MAP3K21: variants seen among roughly 807,000 people sequenced by gnomAD.
MAP3K21 encodes mitogen-activated protein kinase kinase kinase MLK4.
In MAP3K21, 63 loss-of-function variants were observed where a neutral mutation model predicts 86.1. The ratio of observed to expected loss-of-function variants is 0.73; its 90% confidence interval spans 0.60 to 0.90. The LOEUF (loss-of-function observed/expected upper bound fraction) is 0.90, where lower values mean the gene tolerates loss of function less well. Among genes scored for constraint, MAP3K21 ranks in the 40% least tolerant of loss-of-function variants. MAP3K21 has a pLI of 0.00. For missense variants in MAP3K21, 1,220 were observed against 1,367.7 expected, an observed-to-expected ratio of 0.89 and a Z score of 1.70; for synonymous variants, 558 against 564.8, an observed-to-expected ratio of 0.99 and a Z score of 0.17.
At chr1:233,339,700 T>A (rs1218299712) in intron 1 of MAP3K21, among the ~76,000 whole-genome samples, 2 of 151,902 alleles carry the variant, frequency 1.3e-5, no homozygotes, top group Non-Finnish European at 2.9e-5. Flanking sequence ...CCCAGATTGG[T>A]CTTGAACTCC....
At position 233,382,434 on chromosome 1, in the gene MAP3K21, G is replaced by A. The variant is rs747180331; in HGVS notation, c.2834G>A (p.Arg945His). 1.0e-4 allele frequency: 161 copies of A among 1,613,956 alleles called. No homozygotes were observed. Among genetic ancestry groups the A allele is most frequent in the East Asian group, 2.5e-4 (11 of 44,890 alleles). ...KHSTVHIVPQRRPASLRSRSD... is the reference protein window; with the variant it reads ...KHSTVHIVPQHRPASLRSRSD... Reference sequence around the variant, plus strand: ...AGCACTGTCCACATCGTGCCTCAGCGTCGCCCTGCCTCCCTGAGAAGCCGC... The same window carrying A: ...AGCACTGTCCACATCGTGCCTCAGCATCGCCCTGCCTCCCTGAGAAGCCGC... The change falls in exon 10 of 10, where the codon CGT (arginine) becomes CAT (histidine). Residue 945 changes from arginine to histidine, a missense_variant. Arg to His is a conservative substitution (Grantham distance 29). Transcript: ENST00000366624.
intron 6 of MAP3K21, among the ~76,000 whole-genome samples, chr1:233,375,098 T>C (rs778377309): frequency 5.9e-5 from 9 of 151,946 alleles, no homozygotes; most frequent in East Asian, 1.9e-4. Context: ...CCCGCCACCA[T>C]GCCCAGTTAA....
chr1:233,342,787 C>T (rs1318027923), intron 1 of MAP3K21, among the ~76,000 whole-genome samples: 1 of 151,960 alleles, frequency 6.6e-6, no homozygotes, highest in East Asian at 1.9e-4. Context: ...TTTCCTTCCT[C>T]CCTGCCTCTC....
chr1:233,356,321 T>C (rs1663356627), intron 4 of MAP3K21, among the ~76,000 whole-genome samples: 1 of 152,218 alleles, frequency 6.6e-6, no homozygotes, highest in Admixed American at 6.5e-5. Flanking sequence ...TTTACATTCT[T>C]CTTCATTTGC....
intron 4 of MAP3K21, among the ~76,000 whole-genome samples, chr1:233,356,363 T>C (rs1336220384): frequency 6.6e-6 from 1 of 152,218 alleles, no homozygotes; most frequent in Non-Finnish European, 1.5e-5. Context: ...ACTCAGCACA[T>C]GGCAGGCATT....
intron 5 of MAP3K21, among the ~76,000 whole-genome samples, chr1:233,370,103 G>A (rs1013725088): frequency 3.3e-5 from 5 of 152,204 alleles, no homozygotes; most frequent in African/African-American, 9.6e-5. Flanking sequence ...TGGACACAAG[G>A]CATTGTAGCA....
At chr1:233,366,668 T>C (rs7548899) in intron 5 of MAP3K21, among the ~76,000 whole-genome samples, 58,026 of 152,062 alleles carry the variant, frequency 0.38, 11,353 homozygotes, top group East Asian at 0.51. Flanking sequence ...CCGAAACATA[T>C]TCTAGAGTCC....
intron 5 of MAP3K21, among the ~76,000 whole-genome samples, chr1:233,364,800 A>T (rs1278707558): frequency 2.0e-5 from 3 of 152,222 alleles, no homozygotes; most frequent in Non-Finnish European, 4.4e-5. Context: ...AAACATAACC[A>T]AGAAATCTAC....
At chr1:233,338,962 G>T (rs1196931651) in intron 1 of MAP3K21, among the ~76,000 whole-genome samples, 1 of 152,182 alleles carries the variant, frequency 6.6e-6, no homozygotes, top group African/African-American at 2.4e-5. Flanking sequence ...GGGAGTGAGT[G>T]TAAATAAGAA....
At chr1:233,361,951 CAGG>C (rs1470016582) in intron 4 of MAP3K21, 99 bp from the exon 5 acceptor site, 54 of 1,391,050 alleles carry the variant, frequency 3.9e-5, no homozygotes, top group Non-Finnish European at 4.9e-5. Context: ...TCCTTGTGCA[CAGG>C]AGGAGCCCGT....
intron 5 of MAP3K21, among the ~76,000 whole-genome samples, chr1:233,365,890 C>A (rs1262331166): frequency 6.6e-6 from 1 of 152,148 alleles, no homozygotes; most frequent in Non-Finnish European, 1.5e-5. Flanking sequence ...TGTCTGCAAT[C>A]CCATGTTTAT....
At chr1:233,332,378 A>T (rs954662660) in intron 1 of MAP3K21, among the ~76,000 whole-genome samples, 1 of 152,052 alleles carries the variant, frequency 6.6e-6, no homozygotes, top group Non-Finnish European at 1.5e-5. Context: ...AGGACCACGA[A>T]TTCGTCAAGC....
At chr1:233,365,255 CAAAAAACA>C (rs1323915249) in intron 5 of MAP3K21, among the ~76,000 whole-genome samples, 7 of 151,758 alleles carry the variant, frequency 4.6e-5, no homozygotes, top group African/African-American at 1.7e-4. Flanking sequence ...GCTCAGGCAA[CAAAAAACA>C]AAAATAGACA....
chr1:233,371,135 A>G (rs1663670645), intron 5 of MAP3K21, among the ~76,000 whole-genome samples: 1 of 152,214 alleles, frequency 6.6e-6, no homozygotes, highest in Non-Finnish European at 1.5e-5. Flanking sequence ...ACAGTTAGAT[A>G]ATAAGAGCCA....
At position 233,328,055 on chromosome 1, in the gene MAP3K21, G is replaced by A; in HGVS notation, c.27G>A (p.Ala9=). The change falls in exon 1 of 10, where the codon GCG becomes GCA. Residue 9 remains alanine, a synonymous_variant. Coordinates refer to ENST00000366624, the MANE Select transcript of MAP3K21 (RefSeq NM_032435.3). This position sits in a 1 kb window ranked among gnomAD's most constrained non-coding sequence, Gnocchi z 8.7. MALRGAAG[A]TDTPVSSAGG... Reference sequence around the variant, plus strand: ...TGGCTTTGCGGGGCGCCGCGGGAGCGACCGACACCCCGGTGTCCTCGGCCG... The same window carrying A: ...TGGCTTTGCGGGGCGCCGCGGGAGCAACCGACACCCCGGTGTCCTCGGCCG... 1 of 1,322,078 alleles carries A rather than the reference G, an allele frequency of 7.6e-7. No homozygotes were observed. Among genetic ancestry groups the A allele is most frequent in the Non-Finnish European group, 9.6e-7 (1 of 1,041,624 alleles). 81.9% of individuals were successfully genotyped at this position (1,322,078 alleles called of 1,614,324 possible).
chr1:233,378,084 C>T (rs939888440), intron 8 of MAP3K21, among the ~76,000 whole-genome samples: 2 of 152,276 alleles, frequency 1.3e-5, no homozygotes, highest in African/African-American at 4.8e-5. Context: ...TAACAGGCCA[C>T]GGTATCAGTC....
chr1:233,362,071 G>A lies in MAP3K21; in HGVS notation c.1330G>A (p.Glu444Lys). 1 of 1,612,758 alleles carries A rather than the reference G, an allele frequency of 6.2e-7. No homozygotes were observed. The highest frequency in any genetic ancestry group is 8.5e-7 in the Non-Finnish European group (1 of 1,179,396). Residue 444 changes from glutamate (E) to lysine (K), a missense_variant, in exon 5 of 10, where the codon GAG becomes AAG. Physicochemically the swap from Glu to Lys is moderately conservative, Grantham distance 56. This residue lies in a region of MAP3K21 where 126 missense variants were observed against 127.7 expected (regional missense o/e 0.99). Transcript: ENST00000366624. ...GTCGCAGGAGCTGCGATCCCGGGAAGAGGAGCTGACTCGGGCGGCTCTGCA... is the reference window on the plus strand; with the variant it reads ...GTCGCAGGAGCTGCGATCCCGGGAAAAGGAGCTGACTCGGGCGGCTCTGCA... ...TKEKELRSRE[E>K]ELTRAALQQK... is the part of the protein sequence containing the mutation.
intron 4 of MAP3K21, among the ~76,000 whole-genome samples, chr1:233,356,640 G>T (rs1352040215): frequency 1.3e-5 from 2 of 152,190 alleles, no homozygotes; most frequent in East Asian, 1.9e-4. Context: ...CGTGCTTAAA[G>T]TTGTTCACTT....
Position 233,327,905 on chromosome 1 carries a change from C to A in MAP3K21, c.-124C>A. 1.4e-6 allele frequency: 1 copy of A among 725,224 alleles called. No homozygotes were observed. The allele number at this position is 725,224 out of a possible 1,614,324, so 44.9% of individuals were successfully genotyped here. A position where few individuals can be genotyped will look rare whatever the true frequency, so the allele number is the denominator to read the frequency against. ...GCCCGTGATCTCTGCCGTCACCGAT[C>A]GCGATTCCTACCCCCTCGCCTTCCC... is the stretch of plus-strand genomic sequence containing the variant. On this transcript the variant is annotated 5_prime_UTR_variant, in exon 1 of 10. Coordinates refer to ENST00000366624, the MANE Select transcript of MAP3K21 (RefSeq NM_032435.3).
Sources: allele counts gnomAD v4.1 joint callset (sites outside exome capture counted in the v4.1 genomes callset), GRCh38; gene constraint gnomAD v4.1.1; regional missense constraint gnomAD v4.1.1; non-coding constraint Gnocchi (gnomAD v3.1); transcripts MANE v1.5; gene names NCBI Gene and HGNC (gene_info 2026-07-23, HGNC 2026-07-21).